LATS1: variants seen among roughly 807,000 people sequenced by gnomAD.
LATS1 encodes the protein serine/threonine-protein kinase LATS1.
LATS1 carries 25 observed loss-of-function variants against 106.6 expected under a neutral mutation model. That is an observed-to-expected ratio of 0.23 (90% CI 0.17 to 0.33). LATS1 has a LOEUF of 0.33. LATS1 is among the 10% of genes least tolerant of loss of function. The pLI, the probability that LATS1 is intolerant of heterozygous loss-of-function variation, is 1.00. For missense variants in LATS1, 1,040 were observed against 1,382.6 expected (o/e 0.75, Z 3.93); for synonymous variants, 465 against 455.6 (o/e 1.02, Z -0.26).
chr6:149,673,751 G>A (rs1038750185), intron 7 of LATS1, among the ~76,000 whole-genome samples: 1 of 149,716 alleles, frequency 6.7e-6, no homozygotes, highest in African/African-American at 2.5e-5. Context: ...TCGGCTCACT[G>A]CAACCTCTGC....
At chr6:149,710,385 C>T (rs868725879) in intron 1 of LATS1, among the ~76,000 whole-genome samples, 1 of 152,096 alleles carries the variant, frequency 6.6e-6, no homozygotes, top group Non-Finnish European at 1.5e-5. Context: ...TGAGTCGTCC[C>T]GAATTGGAAG....
Position 149,683,449 on chromosome 6 carries a change from G to C in LATS1, c.1640C>G (p.Ala547Gly). The stretch of plus-strand genomic sequence containing the variant: ...TGGTCCTTGATAGTTTGGAGCTTCA[G>C]CAACAGGTGGCATCACAGTCACATT... Reference protein sequence around the residue: ...ASNVTVMPPVAEAPNYQGPPP... With the variant: ...ASNVTVMPPVGEAPNYQGPPP... Residue 547 changes from alanine (A) to glycine (G), a missense_variant, in exon 4 of 8, where the codon GCT (alanine) becomes GGT (glycine). Ala to Gly is a moderately conservative substitution (Grantham distance 60). Coordinates refer to ENST00000543571, the MANE Select transcript of LATS1 (RefSeq NM_004690.4). The C allele has an allele frequency of 6.2e-7, 1 of 1,614,200 alleles. No homozygotes were observed. The highest frequency in any genetic ancestry group is 1.3e-5 in the African/African-American group (1 of 75,044).
chr6:149,664,145 AT>A (rs1781021245), intron 7 of LATS1, among the ~76,000 whole-genome samples: 4 of 132,490 alleles, frequency 3.0e-5, no homozygotes, highest in African/African-American at 1.2e-4. Context: ...TATATTTAGG[AT>A]TTTTCAGTTT....
chr6:149,671,748 T>A (rs1291188237), intron 7 of LATS1, among the ~76,000 whole-genome samples: 1 of 152,000 alleles, frequency 6.6e-6, no homozygotes, highest in Non-Finnish European at 1.5e-5. Context: ...GACTCACCTA[T>A]ATCTACAAAA....
intron 2 of LATS1, among the ~76,000 whole-genome samples, chr6:149,700,834 A>T (rs980252388): frequency 1.3e-5 from 2 of 152,238 alleles, no homozygotes; most frequent in Non-Finnish European, 2.9e-5. Flanking sequence ...ACCAGGCTGG[A>T]GTGCAATGGC....
chr6:149,662,374 T>G, intron 7 of LATS1, 136 bp from the exon 8 acceptor site: 2 of 803,742 alleles, frequency 2.5e-6, no homozygotes, highest in Non-Finnish European at 3.8e-6. Context: ...TGGAAAATAA[T>G]TTTTTCTCCT....
intron 1 of LATS1, among the ~76,000 whole-genome samples, chr6:149,710,534 C>T (rs1784032804): frequency 6.6e-6 from 1 of 152,202 alleles, no homozygotes; most frequent in South Asian, 2.1e-4. Context: ...TTTCATTATC[C>T]TAATACAGAA....
At chr6:149,695,584 T>A (rs1345964320) in intron 2 of LATS1, among the ~76,000 whole-genome samples, 2 of 151,360 alleles carry the variant, frequency 1.3e-5, no homozygotes, top group East Asian at 3.9e-4. Context: ...GGCTGAGACA[T>A]GAGAATTGTT....
chr6:149,713,141 G>C (rs1784198218), intron 1 of LATS1, among the ~76,000 whole-genome samples: 1 of 152,142 alleles, frequency 6.6e-6, no homozygotes, highest in South Asian at 2.1e-4. Flanking sequence ...AGGTGGCCGA[G>C]TATGATAATG....
chr6:149,694,578 G>C (rs935712963), intron 3 of LATS1, among the ~76,000 whole-genome samples: 1 of 152,138 alleles, frequency 6.6e-6, no homozygotes, highest in African/African-American at 2.4e-5. Context: ...GTTTTAGTAT[G>C]TTCCCATTTT....
chr6:149,694,940 T>A (rs1393431757), intron 3 of LATS1, 134 bp downstream of exon 3: 2 of 703,990 alleles, frequency 2.8e-6, no homozygotes, highest in Non-Finnish European at 4.5e-6. Flanking sequence ...AACATTATAA[T>A]GTTATCTTAA....
Position 149,676,306 on chromosome 6 carries a change from CCCA to C in LATS1, c.2834_2836del (p.Val945del). On this transcript the variant is annotated inframe_deletion, in exon 7 of 8. Coordinates refer to ENST00000543571, the MANE Select transcript of LATS1 (RefSeq NM_004690.4). ...TGTTTGTGCCAAGAAAGGAGGTTGT[CCCA>C]CCAACATTTCAAAAAGAATAACACC... 2 of 1,613,626 alleles carry C rather than the reference CCCA, an allele frequency of 1.2e-6. No homozygotes were observed. Among genetic ancestry groups the C allele is most frequent in the East Asian group, 2.2e-5 (1 of 44,866 alleles).
chr6:149,695,831 G>T (rs778182712), intron 2 of LATS1, among the ~76,000 whole-genome samples: 45 of 151,050 alleles, frequency 3.0e-4, no homozygotes, highest in Non-Finnish European at 6.0e-4. Flanking sequence ...ACACACCATT[G>T]TTGGCTTGAA....
At chr6:149,682,759 T>C (rs116649008) in intron 4 of LATS1, among the ~76,000 whole-genome samples, 2,331 of 152,242 alleles carry the variant, frequency 0.015, 69 homozygotes, top group African/African-American at 0.053. Context: ...TTGTAAGATA[T>C]TGTATGAAGC....
chr6:149,690,354 C>T (rs1473728584), intron 3 of LATS1, among the ~76,000 whole-genome samples: 3 of 151,440 alleles, frequency 2.0e-5, no homozygotes, highest in Non-Finnish European at 4.4e-5. Flanking sequence ...GCTGGGATTA[C>T]AGGCATGCAC....
chr6:149,716,311 G>C (rs1372667641), intron 1 of LATS1: 7 of 152,162 alleles, frequency 4.6e-5, no homozygotes, highest in Non-Finnish European at 1.0e-4. Context: ...GCAACATAGC[G>C]AGTTCCCATC....
At chr6:149,671,714 T>A (rs1016673959) in intron 7 of LATS1, among the ~76,000 whole-genome samples, 2 of 151,964 alleles carry the variant, frequency 1.3e-5, no homozygotes, top group African/African-American at 4.9e-5. Flanking sequence ...ACTTTCTTTG[T>A]CCATCCATAT....
chr6:149,688,657 A>G (rs982350131), intron 3 of LATS1, among the ~76,000 whole-genome samples: 1 of 152,130 alleles, frequency 6.6e-6, no homozygotes, highest in African/African-American at 2.4e-5. Flanking sequence ...GCACTGCTCT[A>G]AGCAATCCAA....
intron 1 of LATS1, among the ~76,000 whole-genome samples, chr6:149,707,761 T>C (rs1783871451): frequency 6.6e-6 from 1 of 152,170 alleles, no homozygotes; most frequent in Non-Finnish European, 1.5e-5. Flanking sequence ...TTCAAAATAA[T>C]TTGGTTGTGT....
Sources: gnomAD v4.1 joint callset for allele counts (sites outside exome capture counted in the v4.1 genomes callset) on GRCh38, gnomAD v4.1.1 for gene constraint, MANE v1.5 for transcripts, NCBI Gene and HGNC (gene_info 2026-07-23, HGNC 2026-07-21) for gene names.